CORO2A: variants seen among roughly 807,000 people sequenced by gnomAD.
The protein encoded by CORO2A is coronin 2A, also known as coronin-2A.
In CORO2A, 47 loss-of-function variants were observed where a neutral mutation model predicts 62.4. That is an observed-to-expected ratio of 0.75 (90% confidence interval 0.60 to 0.96). The LOEUF is 0.96. Ranked by LOEUF, CORO2A falls within the 40% of genes least tolerant of loss-of-function variation. CORO2A has a pLI of 0.00. For synonymous variants in CORO2A, 273 were observed against 268.9 expected, an observed-to-expected ratio of 1.02 and a Z score of -0.15; for missense variants, 610 against 684.1, an observed-to-expected ratio of 0.89 and a Z score of 1.21.
chr9:98,141,646 G>C (rs976387729), intron 2 of CORO2A, among the ~76,000 whole-genome samples: 2 of 152,160 alleles, frequency 1.3e-5, no homozygotes, highest in Non-Finnish European at 2.9e-5. Flanking sequence ...GAGCCACTGC[G>C]CCCAGCTGCC....
intron 3 of CORO2A, among the ~76,000 whole-genome samples, chr9:98,135,175 G>C (rs551643937): frequency 1.6e-4 from 25 of 152,306 alleles, no homozygotes; most frequent in African/African-American, 5.1e-4. Flanking sequence ...GCCTGAGCAG[G>C]GGCCAGCGCT....
At chr9:98,129,995 G>C (rs998909070) in intron 7 of CORO2A, 105 bp from the exon 8 acceptor site, 15 of 780,130 alleles carry the variant, frequency 1.9e-5, no homozygotes, top group African/African-American at 1.9e-4. Context: ...TTTGATGATC[G>C]GCAAACCCAT....
At position 98,130,970 on chromosome 9, in the gene CORO2A, G is replaced by C. The variant is rs758284277; in HGVS notation, c.855C>G (p.Leu285=). ...CCAAGCCGACCTTCCCCACCACGTA[G>C]AGCATGCTGGTGTCCGCGTCATAGA... ...FPFYDADTSM[L]YVVGKGDGNI... is the part of the protein sequence containing the mutation. The change falls in exon 7 of 12, where the codon CTC becomes CTG. Residue 285 remains leucine (L), a synonymous_variant. Transcript: ENST00000375077. The C allele has an allele frequency of 3.7e-6, 6 of 1,613,802 alleles. No individual in the cohort carries two copies. Among genetic ancestry groups the C allele is most frequent in the Non-Finnish European group, 4.2e-6 (5 of 1,179,902 alleles).
In CORO2A at chr9:98,133,200, C is replaced by A; in HGVS notation, c.486G>T (p.Leu162=). The A allele has an allele frequency of 6.2e-7, 1 of 1,614,204 alleles. No individual in the cohort carries two copies. The highest frequency in any genetic ancestry group is 8.5e-7 in the Non-Finnish European group (1 of 1,180,026). ...GYDYKVMIWN[L]DTKESVITSP... is the part of the protein sequence containing the mutation. Reference sequence around the variant, plus strand: ...TTGTGATGACAGACTCCTTTGTATCCAGGTTCCAGATCATCACCTGCATGG... The same window carrying A: ...TTGTGATGACAGACTCCTTTGTATCAAGGTTCCAGATCATCACCTGCATGG... Residue 162 remains leucine (L), a synonymous_variant, in exon 5 of 12, where the codon CTG becomes CTT. Transcript: ENST00000375077.
At chr9:98,186,797 AT>A (rs1261319080) in intron 1 of CORO2A, among the ~76,000 whole-genome samples, 1 of 152,132 alleles carries the variant, frequency 6.6e-6, no homozygotes, top group Non-Finnish European at 1.5e-5. Flanking sequence ...TGTTAAATAT[AT>A]AAGCCCAGGG....
chr9:98,132,261 A>C lies in CORO2A; in HGVS notation c.689T>G (p.Phe230Cys), dbSNP rs757466536. The C allele has an allele frequency of 6.2e-7, 1 of 1,614,162 alleles. No homozygotes were observed. The highest frequency in any genetic ancestry group is 8.5e-7 in the Non-Finnish European group (1 of 1,180,012). ...CATCAGCTTCTTCAGGTTCCCCAGA[A>C]ACAGCACTTTGCTGGCCCGGTGCCC... ...YKGHRASKVL[F>C]LGNLKKLMST... The change falls in exon 6 of 12, where the codon TTT becomes TGT. Residue 230 changes from phenylalanine (F) to cysteine (C), a missense_variant. Phe to Cys is a radical substitution (Grantham distance 205). Transcript: ENST00000375077.
chr9:98,165,825 T>C (rs1227614370), intron 1 of CORO2A, among the ~76,000 whole-genome samples: 3 of 152,180 alleles, frequency 2.0e-5, no homozygotes, highest in African/African-American at 7.2e-5. Context: ...TAGGGAACTT[T>C]TTATTTGCAA....
At chr9:98,173,564 A>G (rs1309798902) in intron 1 of CORO2A, among the ~76,000 whole-genome samples, 2 of 152,036 alleles carry the variant, frequency 1.3e-5, no homozygotes, top group Non-Finnish European at 2.9e-5. Flanking sequence ...CAACATATAA[A>G]TTGCATGCTC....
chr9:98,192,379 G>C (rs1828315353), intron 1 of CORO2A, among the ~76,000 whole-genome samples, 180 bp downstream of exon 1: 1 of 152,230 alleles, frequency 6.6e-6, no homozygotes, highest in Non-Finnish European at 1.5e-5. Flanking sequence ...GGAAACTGAG[G>C]CCTGGAGAGG....
intron 1 of CORO2A, among the ~76,000 whole-genome samples, chr9:98,163,730 ATGTGTGTGTGT>A (rs1827920119): frequency 7.4e-6 from 1 of 135,856 alleles, no homozygotes; most frequent in Non-Finnish European, 1.6e-5. Flanking sequence ...GTGTGTGTGT[ATGTGTGTGTGT>A]GAGAGAGAGA....
intron 1 of CORO2A, among the ~76,000 whole-genome samples, chr9:98,171,107 C>T (rs1316698453): frequency 6.6e-6 from 1 of 152,240 alleles, no homozygotes; most frequent in Non-Finnish European, 1.5e-5. Flanking sequence ...TGGGGATTTT[C>T]CAAGACACCT....
chr9:98,188,494 T>C (rs61182322), intron 1 of CORO2A, among the ~76,000 whole-genome samples: 1 of 152,082 alleles, frequency 6.6e-6, no homozygotes, highest in East Asian at 1.9e-4. Context: ...GTCAGGTGTG[T>C]TGGCTCACAT....
intron 1 of CORO2A, among the ~76,000 whole-genome samples, chr9:98,161,689 T>C (rs998544144): frequency 2.6e-5 from 4 of 151,542 alleles, no homozygotes; most frequent in African/African-American, 9.7e-5. Flanking sequence ...CGGGCTGGAG[T>C]AGGGCAGTGA....
intron 2 of CORO2A, among the ~76,000 whole-genome samples, chr9:98,147,617 G>A (rs1827658922): frequency 6.6e-6 from 1 of 152,134 alleles, no homozygotes; most frequent in Non-Finnish European, 1.5e-5. Context: ...AACACAGGAT[G>A]CCCAGTAAAA....
At chr9:98,148,949 AT>A (rs1258758023) in intron 2 of CORO2A, among the ~76,000 whole-genome samples, 1 of 152,208 alleles carries the variant, frequency 6.6e-6, no homozygotes, top group Admixed American at 6.5e-5. Context: ...CGGGAAAAGT[AT>A]AGAAATGGAG....
At chr9:98,177,457 GTTTTTTT>G (rs1174402008) in intron 1 of CORO2A, among the ~76,000 whole-genome samples, 1 of 98,346 alleles carries the variant, frequency 1.0e-5, no homozygotes, top group African/African-American at 4.4e-5. Flanking sequence ...TCCAAACTTT[GTTTTTTT>G]TTTTTTTTTT....
intron 3 of CORO2A, 137 bp downstream of exon 3, chr9:98,137,435 T>G (rs949802819): frequency 1.4e-6 from 1 of 731,484 alleles, no homozygotes; most frequent in East Asian, 2.5e-5. Context: ...CTACCTTAAC[T>G]TAACACCTCC....
intron 1 of CORO2A, among the ~76,000 whole-genome samples, chr9:98,174,082 G>A (rs1323224837): frequency 1.3e-5 from 2 of 151,840 alleles, no homozygotes; most frequent in African/African-American, 2.4e-5. Flanking sequence ...ACTCCAGCCT[G>A]GGCAACGAGA....
At position 98,121,924 on chromosome 9, in the gene CORO2A, T is replaced by C. The variant is rs1346603497; in HGVS notation, c.*2850A>G. On this transcript the variant is annotated 3_prime_UTR_variant, in exon 12 of 12. Transcript: ENST00000375077. ...TTTTCTGGAGCACACTAAGGCAATC[T>C]TGGCTAGTGCATCAGACGGGAGTGA... 6.6e-6 allele frequency: 1 copy of C among 152,204 alleles called. No homozygotes were observed. Among genetic ancestry groups the C allele is most frequent in the Non-Finnish European group, 1.5e-5 (1 of 68,080 alleles). 9.4% of individuals were successfully genotyped at this position (152,204 alleles called of 1,614,324 possible). A position where few individuals can be genotyped will look rare whatever the true frequency, so the allele number is the denominator to read the frequency against.
Sources: gnomAD v4.1 joint callset for allele counts (sites outside exome capture counted in the v4.1 genomes callset) on GRCh38, gnomAD v4.1.1 for gene constraint, MANE v1.5 for transcripts, NCBI Gene and HGNC (gene_info 2026-07-23, HGNC 2026-07-21) for gene names.